The following NDUFAF2 variants were observed in gnomAD, a reference collection of about 807,000 sequenced individuals.
NDUFAF2 encodes NADH dehydrogenase [ubiquinone] 1 alpha subcomplex assembly factor 2.
A neutral mutation model predicts 22.8 loss-of-function variants in NDUFAF2; 13 were observed. The observed-to-expected ratio is 0.57, with a 90% CI of 0.37 to 0.91. NDUFAF2 has a LOEUF of 0.91. Among genes scored for constraint, NDUFAF2 ranks in the 40% least tolerant of loss-of-function variants. The pLI is 0.01. For missense variants in NDUFAF2, 162 were observed against 195.2 expected (o/e 0.83, Z 1.01); for synonymous variants, 53 against 64.2 (o/e 0.83, Z 0.84).
At chr5:60,984,877 A>C (rs1258509803) in intron 1 of NDUFAF2, among the ~76,000 whole-genome samples, 4 of 152,104 alleles carry the variant, frequency 2.6e-5, no homozygotes, top group Non-Finnish European at 4.4e-5. Flanking sequence ...TGTCTCTGCC[A>C]GGCTTTGTTA....
At chr5:61,099,208 T>C (rs1752678073) in intron 3 of NDUFAF2, among the ~76,000 whole-genome samples, 176 bp downstream of exon 3, 1 of 150,582 alleles carries the variant, frequency 6.6e-6, no homozygotes, top group African/African-American at 2.4e-5. Context: ...TAAAATAATA[T>C]ATGATAAAAT....
intron 1 of NDUFAF2, among the ~76,000 whole-genome samples, chr5:61,040,286 A>ACACGCGCGCGCG (rs1491193758): frequency 5.6e-4 from 52 of 93,096 alleles, no homozygotes; most frequent in East Asian, 2.0e-3. Flanking sequence ...ACACACACAC[A>ACACGCGCGCGCG]CGCGCGCGCG....
intron 3 of NDUFAF2, among the ~76,000 whole-genome samples, chr5:61,141,331 A>G (rs755730522): frequency 1.3e-5 from 2 of 151,984 alleles, no homozygotes; most frequent in African/African-American, 2.4e-5. Flanking sequence ...AGAATTTATC[A>G]TATTATAATT....
chr5:61,054,350 G>A (rs1752061245), intron 1 of NDUFAF2, among the ~76,000 whole-genome samples: 1 of 152,148 alleles, frequency 6.6e-6, no homozygotes, highest in African/African-American at 2.4e-5. Flanking sequence ...AAATATTTGA[G>A]AGATTTGAAA....
At chr5:60,997,744 A>C (rs1751246018) in intron 1 of NDUFAF2, among the ~76,000 whole-genome samples, 1 of 152,192 alleles carries the variant, frequency 6.6e-6, no homozygotes, top group African/African-American at 2.4e-5. Context: ...TCCGTTCTTC[A>C]CTTCACTGTG....
intron 1 of NDUFAF2, among the ~76,000 whole-genome samples, chr5:60,983,226 T>A (rs1332874974): frequency 4.2e-5 from 6 of 142,328 alleles, no homozygotes; most frequent in Non-Finnish European, 9.2e-5. Flanking sequence ...TCATATCCTT[T>A]GCCCACTTGT....
intron 1 of NDUFAF2, among the ~76,000 whole-genome samples, chr5:61,050,803 A>T (rs973276137): frequency 6.6e-6 from 1 of 152,182 alleles, no homozygotes; most frequent in African/African-American, 2.4e-5. Flanking sequence ...AATCATTTAA[A>T]AGTCAAAAAG....
At chr5:61,041,645 T>G (rs1188647200) in intron 1 of NDUFAF2, among the ~76,000 whole-genome samples, 1 of 152,200 alleles carries the variant, frequency 6.6e-6, no homozygotes, top group African/African-American at 2.4e-5. Context: ...ATAAGCAACG[T>G]TTAGTTTATC....
intron 3 of NDUFAF2, among the ~76,000 whole-genome samples, chr5:61,131,239 A>T (rs1221872027): frequency 6.8e-6 from 1 of 147,584 alleles, no homozygotes; most frequent in Non-Finnish European, 1.5e-5. Context: ...TTTCTTTCCC[A>T]GGCTGGAGTG....
chr5:61,077,248 A>G (rs757448174), intron 2 of NDUFAF2, among the ~76,000 whole-genome samples: 8 of 152,214 alleles, frequency 5.3e-5, no homozygotes, highest in Admixed American at 1.3e-4. Context: ...AAAATGAGAA[A>G]TTCAAACACT....
intron 1 of NDUFAF2, among the ~76,000 whole-genome samples, chr5:61,016,067 T>A (rs1751506028): frequency 6.6e-6 from 1 of 152,026 alleles, no homozygotes; most frequent in Non-Finnish European, 1.5e-5. Context: ...ACGCCTTCAA[T>A]CCCAGCTACT....
intron 2 of NDUFAF2, among the ~76,000 whole-genome samples, chr5:61,090,473 G>A (rs1188546707): frequency 6.6e-6 from 1 of 151,964 alleles, no homozygotes; most frequent in African/African-American, 2.4e-5. Context: ...AATGTAAAAA[G>A]TGGTAGGCTA....
chr5:60,987,028 T>C (rs546183009), intron 1 of NDUFAF2, among the ~76,000 whole-genome samples: 1 of 150,526 alleles, frequency 6.6e-6, no homozygotes, highest in South Asian at 2.1e-4. Context: ...TAATATAGAC[T>C]GTTAAGTACA....
intron 1 of NDUFAF2, among the ~76,000 whole-genome samples, chr5:61,040,286 A>ACACACGCGCG (rs1491193758): frequency 5.6e-4 from 52 of 93,084 alleles, no homozygotes; most frequent in African/African-American, 9.5e-4. Flanking sequence ...ACACACACAC[A>ACACACGCGCG]CGCGCGCGCG....
At position 61,140,244 on chromosome 5, in the gene NDUFAF2, A is replaced by G. The variant is rs557873431; in HGVS notation, c.259-12460A>G. Among the ~76,000 whole-genome samples, 18 of 152,346 alleles carry G rather than the reference A, an allele frequency of 1.2e-4. No homozygotes were observed. The South Asian group carries it at 3.5e-3, about 30-fold the overall frequency. Reference sequence around the variant, plus strand: ...TTGTCCTCATCTCCTTCACCTCTACATATTGGTGACTAAGACCTTTTTCCT... The same window carrying G: ...TTGTCCTCATCTCCTTCACCTCTACGTATTGGTGACTAAGACCTTTTTCCT... On this transcript the variant is annotated intron_variant, in intron 3 of 3. Transcript: ENST00000296597.
chr5:60,991,580 T>C (rs1751158796), intron 1 of NDUFAF2, among the ~76,000 whole-genome samples: 1 of 152,224 alleles, frequency 6.6e-6, no homozygotes, highest in South Asian at 2.1e-4. Context: ...GTCTGGCTTA[T>C]TTCACTTAAC....
At chr5:61,110,448 A>T (rs553969230) in intron 3 of NDUFAF2, among the ~76,000 whole-genome samples, 1 of 152,132 alleles carries the variant, frequency 6.6e-6, no homozygotes, top group East Asian at 1.9e-4. Context: ...CAGGGAAGCC[A>T]TTGGTTCCTG....
intron 3 of NDUFAF2, among the ~76,000 whole-genome samples, chr5:61,113,024 A>G (rs1228492854): frequency 1.3e-5 from 2 of 152,086 alleles, no homozygotes; most frequent in Non-Finnish European, 2.9e-5. Flanking sequence ...GGGAAGAGAA[A>G]ACTAATAAAA....
intron 3 of NDUFAF2, among the ~76,000 whole-genome samples, chr5:61,140,889 C>A (rs1741042421): frequency 6.6e-6 from 1 of 152,158 alleles, no homozygotes; most frequent in African/African-American, 2.4e-5. Flanking sequence ...TTGTTTAATA[C>A]TGAAGTATCA....
Sources: gnomAD v4.1 joint callset for allele counts (sites outside exome capture counted in the v4.1 genomes callset) on GRCh38, gnomAD v4.1.1 for gene constraint, MANE v1.5 for transcripts, NCBI Gene and HGNC (gene_info 2026-07-23, HGNC 2026-07-21) for gene names.